The following PRODH2 variants were observed in gnomAD, a reference collection of about 807,000 sequenced individuals.
PRODH2 encodes proline dehydrogenase 2.
In PRODH2, 49 loss-of-function variants were observed where a neutral mutation model predicts 51.9. The ratio of observed to expected loss-of-function variants is 0.94; its 90% CI spans 0.75 to 1.20. The LOEUF (loss-of-function observed/expected upper bound fraction) is 1.20, where lower values mean the gene tolerates loss of function less well. PRODH2 is among the 50% of genes most tolerant of loss of function. The probability of loss-of-function intolerance (pLI) is 0.00; values close to 1 mark genes in which losing one functional copy is unlikely to be tolerated. For missense variants in PRODH2, 597 were observed against 610.9 expected (o/e 0.98, Z 0.24); for synonymous variants, 249 against 260.7 (o/e 0.96, Z 0.43).
chr19:35,809,280 G>A (rs1441200512), intron 4 of PRODH2, among the ~76,000 whole-genome samples: 1 of 152,068 alleles, frequency 6.6e-6, no homozygotes, highest in African/African-American at 2.4e-5. Flanking sequence ...ATTTTTTGTA[G>A]AGATGAGGGT....
At position 35,800,929 on chromosome 19, in the gene PRODH2, G is replaced by A. The variant is rs186353433; in HGVS notation, c.1199-707C>T. On this transcript the variant is annotated intron_variant, in intron 9 of 9. Coordinates refer to ENST00000653904, the MANE Select transcript of PRODH2 (RefSeq NM_021232.2). ...TTTTGAGACAGAGTCTTGGTCTGTC[G>A]CCCTGGCTGGAGGGCAGTGGCACAA... Among the ~76,000 whole-genome samples, 16 of 152,048 alleles carry A rather than the reference G, an allele frequency of 1.1e-4. No homozygotes were observed. The East Asian group carries it at 2.1e-3, about 20-fold the overall frequency.
chr19:35,809,958 CAAAAAAAAAAAAAA>C (rs1175392997), intron 4 of PRODH2, among the ~76,000 whole-genome samples: 11 of 12,822 alleles, frequency 8.6e-4, no homozygotes, highest in Admixed American at 1.6e-3. Flanking sequence ...GATGCCGCTT[CAAAAAAAAAAAAAA>C]AAAAAAAAAA....
intron 4 of PRODH2, among the ~76,000 whole-genome samples, chr19:35,807,606 C>T (rs370078504): frequency 8.5e-5 from 13 of 152,058 alleles, no homozygotes; most frequent in African/African-American, 2.9e-4. Flanking sequence ...CTCAGCCCTC[C>T]CTGCTACTCT....
intron 2 of PRODH2, 27 bp from the exon 3 acceptor site, chr19:35,812,299 C>A (rs745945035): frequency 2.5e-6 from 4 of 1,612,242 alleles, no homozygotes; most frequent in South Asian, 1.1e-5. Flanking sequence ...TGTCAGGGCC[C>A]GAACAGCAAA....
chr19:35,802,341 ATG>A (rs1301222093), intron 8 of PRODH2, 65 bp from the exon 9 acceptor site: 8 of 1,328,722 alleles, frequency 6.0e-6, no homozygotes, highest in Admixed American at 1.7e-5. Context: ...GTCAGCCACT[ATG>A]CACCCATATG....
intron 7 of PRODH2, 123 bp from the exon 8 acceptor site, chr19:35,803,201 G>T: frequency 1.9e-6 from 1 of 514,850 alleles, no homozygotes; most frequent in Non-Finnish European, 3.3e-6. Flanking sequence ...ATCTGCACCA[G>T]TTGTAAGGGA....
In PRODH2 at chr19:35,811,457, AAGGG is replaced by A. The variant is rs571248820; in HGVS notation, c.597+501_597+504del. Among the ~76,000 whole-genome samples the A allele has an allele frequency of 4.0e-3, 371 of 93,202 alleles. 4 individuals are homozygous for A. Among genetic ancestry groups the A allele is most frequent in the African/African-American group, 5.9e-3 (113 of 19,124 alleles). The allele number at this position is 93,202 out of a possible 152,430, so 61.1% of individuals were successfully genotyped here. Reference sequence around the variant, plus strand: ...GAAGGAATAAAGGAAGGAAGGAAGGAAGGGAGGGAGGGAGGGAGGGGAGAGAAGG... The same window carrying A: ...GAAGGAATAAAGGAAGGAAGGAAGGAAGGGAGGGAGGGAGGGGAGAGAAGG... On this transcript the variant is annotated intron_variant, in intron 4 of 9. Transcript: ENST00000653904.
In PRODH2 at chr19:35,812,636, A is replaced by T. The variant is rs758622481; in HGVS notation, c.170T>A (p.Leu57Gln). 6.3e-7 allele frequency: 1 copy of T among 1,591,794 alleles called. No homozygotes were observed. The highest frequency in any genetic ancestry group is 1.3e-5 in the African/African-American group (1 of 74,498). Residue 57 changes from leucine to glutamine, a missense_variant, in exon 1 of 10, where the codon CTG becomes CAG. Transcript: ENST00000653904. The part of the protein sequence containing the change: ...CAWPPLVTHG[L>Q]LLQAWSRRLL... ...GTCCTCAGGATCACTGCTCACCAAC[A>T]GCCCGTGAGTGACGAGTGGGGGCCA...
intron 7 of PRODH2, among the ~76,000 whole-genome samples, chr19:35,803,941 C>T (rs1464544333): frequency 3.1e-5 from 2 of 64,886 alleles, no homozygotes; most frequent in African/African-American, 5.9e-5. Context: ...GTGGGTCTTC[C>T]CTATCGCCCC....
At position 35,811,909 on chromosome 19, in the gene PRODH2, C is replaced by T. The variant is rs923483587; in HGVS notation, c.597+53G>A. The T allele has an allele frequency of 9.0e-6, 14 of 1,551,710 alleles. No individual in the cohort carries two copies. In the African/African-American group the frequency reaches 1.4e-4, roughly 15 times the overall value. ...TTGAACATCTGGCGTGCGGTGTGGC[C>T]GCATCTAAGTCCAAGGCACTCTGTC... On this transcript the variant is annotated intron_variant, in intron 4 of 9. Coordinates refer to ENST00000653904, the MANE Select transcript of PRODH2 (RefSeq NM_021232.2).
chr19:35,806,812 C>T lies in PRODH2; in HGVS notation c.697G>A (p.Val233Met), dbSNP rs770890771. 42 of 1,607,952 alleles carry T rather than the reference C, an allele frequency of 2.6e-5. 1 individual carries two copies. Among genetic ancestry groups the T allele is most frequent in the East Asian group, 4.5e-5 (2 of 44,464 alleles). ...RVAQYARAQHVRLLVDAEYTS... is the reference protein window; with the variant it reads ...RVAQYARAQHMRLLVDAEYTS... ...TACTCCGCATCCACCAGGAGCCGCA[C>T]GTGCTGGGCCCGGGCATACTGATGG... Residue 233 changes from valine (V) to methionine (M), a missense_variant, in exon 6 of 10, where the codon GTG (valine) becomes ATG (methionine). Physicochemically the swap from Val to Met is conservative, Grantham distance 21. Transcript: ENST00000653904.
chr19:35,811,266 C>T (rs572152183), intron 4 of PRODH2, among the ~76,000 whole-genome samples: 7 of 151,598 alleles, frequency 4.6e-5, no homozygotes, highest in Non-Finnish European at 7.4e-5. Context: ...TTATACAAGA[C>T]GGCAGGCTGG....
intron 7 of PRODH2, among the ~76,000 whole-genome samples, chr19:35,805,131 G>A: frequency 6.6e-6 from 1 of 152,182 alleles, no homozygotes; most frequent in East Asian, 1.9e-4. Context: ...TTGGGGTGAT[G>A]AAAATATTGT....
chr19:35,807,131 A>G lies in PRODH2; in HGVS notation c.598-10T>C. The G allele has an allele frequency of 1.3e-6, 2 of 1,544,976 alleles. No individual in the cohort carries two copies. ...AGGAGACCTGGAGGTTCTAGGGGGCAGCAGGGGAAGTGGGGAAAAGCTTAT... is the reference window on the plus strand; with the variant it reads ...AGGAGACCTGGAGGTTCTAGGGGGCGGCAGGGGAAGTGGGGAAAAGCTTAT... On this transcript the variant is annotated splice_polypyrimidine_tract_variant and intron_variant, in intron 4 of 9. Coordinates refer to ENST00000653904, the MANE Select transcript of PRODH2 (RefSeq NM_021232.2).
In PRODH2 at chr19:35,812,191, C is replaced by T; in HGVS notation, c.453G>A (p.Leu151=). 1 of 1,614,164 alleles carries T rather than the reference C, an allele frequency of 6.2e-7. No individual in the cohort carries two copies. The highest frequency in any genetic ancestry group is 8.5e-7 in the Non-Finnish European group (1 of 1,180,032). Residue 151 remains leucine, a synonymous_variant, in exon 3 of 10, where the codon CTG becomes CTA. Transcript: ENST00000653904. ...LSRGLLEPPS[L]AEASLMQLKV... Reference sequence around the variant, plus strand: ...TCAGCTGCATGAGGCTGGCCTCAGCCAGGCTGGGGGGCTCCAGGAGGCCCC... The same window carrying T: ...TCAGCTGCATGAGGCTGGCCTCAGCTAGGCTGGGGGGCTCCAGGAGGCCCC...
rs902477351 is a variant in PRODH2 at position 35,802,100 on chromosome 19, G to A, written c.1198+91C>T. ...ACAGATCTCTCTGGAAGGATCTGGAGGCTGGGCCTTGGTTGGGAATAGGAG... is the reference window on the plus strand; with the variant it reads ...ACAGATCTCTCTGGAAGGATCTGGAAGCTGGGCCTTGGTTGGGAATAGGAG... On this transcript the variant is annotated intron_variant, in intron 9 of 9. Coordinates refer to ENST00000653904, the MANE Select transcript of PRODH2 (RefSeq NM_021232.2). The A allele has an allele frequency of 6.7e-6, 8 of 1,190,040 alleles. No individual in the cohort carries two copies. In the African/African-American group the frequency reaches 1.1e-4, roughly 16 times the overall value. The allele number at this position is 1,190,040 out of a possible 1,614,324, so 73.7% of individuals were successfully genotyped here.
intron 7 of PRODH2, among the ~76,000 whole-genome samples, chr19:35,805,838 A>G (rs1972502169): frequency 1.3e-5 from 2 of 152,198 alleles, no homozygotes; most frequent in Non-Finnish European, 2.9e-5. Context: ...TGGCCCCCAG[A>G]GAAGGTACCA....
At chr19:35,806,868 T>A in intron 5 of PRODH2, 38 bp from the exon 6 acceptor site, 1 of 1,562,380 alleles carries the variant, frequency 6.4e-7, no homozygotes, top group African/African-American at 1.4e-5. Context: ...GCCCCGGGTG[T>A]CCAGCAGGGG....
chr19:35,811,833 T>C, intron 4 of PRODH2, 129 bp downstream of exon 4: 1 of 889,464 alleles, frequency 1.1e-6, no homozygotes, highest in Non-Finnish European at 1.7e-6. Flanking sequence ...GCCTGGGAGC[T>C]ACAGCTGCAC....
Sources: allele counts gnomAD v4.1 joint callset (sites outside exome capture counted in the v4.1 genomes callset), GRCh38; gene constraint gnomAD v4.1.1; transcripts MANE v1.5; gene names NCBI Gene and HGNC (gene_info 2026-07-23, HGNC 2026-07-21).